The following TMEM135 variants were observed in gnomAD, a reference collection of about 807,000 sequenced individuals.
The protein encoded by TMEM135 is transmembrane protein 135, also known as peroxisomal membrane protein 52.
Under a neutral mutation model 60.3 loss-of-function variants are expected in TMEM135, and 30 were observed. That is an observed-to-expected ratio of 0.50 (90% CI 0.37 to 0.68). TMEM135 has a LOEUF of 0.68. Among genes scored for constraint, TMEM135 ranks in the 30% least tolerant of loss-of-function variants. TMEM135 has a pLI of 0.00. For synonymous variants in TMEM135, 190 were observed against 186.7 expected (o/e 1.02, Z -0.14); for missense variants, 468 against 548.8 (o/e 0.85, Z 1.47).
At chr11:87,069,377 T>A (rs1172206257) in intron 2 of TMEM135, among the ~76,000 whole-genome samples, 1 of 151,638 alleles carries the variant, frequency 6.6e-6, no homozygotes, top group Non-Finnish European at 1.5e-5. Flanking sequence ...TATTGCAGCA[T>A]CTTTATGTTC....
intron 1 of TMEM135, among the ~76,000 whole-genome samples, chr11:87,054,932 C>G (rs964727562): frequency 3.3e-5 from 5 of 152,114 alleles, no homozygotes; most frequent in African/African-American, 1.2e-4. Flanking sequence ...ATCTTCATTT[C>G]CTTTCACTGT....
At chr11:87,214,156 A>G (rs1295635883) in intron 5 of TMEM135, among the ~76,000 whole-genome samples, 6 of 152,158 alleles carry the variant, frequency 3.9e-5, no homozygotes, top group African/African-American at 1.4e-4. Context: ...TTTAATTCCA[A>G]AGTGCTCTGA....
chr11:87,224,370 C>T (rs567896616), intron 5 of TMEM135, among the ~76,000 whole-genome samples: 1 of 152,182 alleles, frequency 6.6e-6, no homozygotes, highest in Non-Finnish European at 1.5e-5. Context: ...GAACAATAAT[C>T]TTCATTCTAG....
In TMEM135 at chr11:87,089,065, A is replaced by T. The variant is rs185532674; in HGVS notation, c.363-2297A>T. On this transcript the variant is annotated intron_variant, in intron 3 of 14. Transcript: ENST00000305494. ...AAAGTAATTGCAGTTTTTGCCAAGT[A>T]TAAGGTGTATATGAAACATAAATGA... is the stretch of plus-strand genomic sequence containing the variant. 2.2e-4 allele frequency among the ~76,000 whole-genome samples: 34 copies of T among 152,332 alleles called. No individual in the cohort carries two copies. In the East Asian group the frequency reaches 6.4e-3, roughly 29 times the overall value.
chr11:87,077,779 GGC>G (rs1458979988), intron 3 of TMEM135, among the ~76,000 whole-genome samples: 1 of 152,082 alleles, frequency 6.6e-6, no homozygotes, highest in African/African-American at 2.4e-5. Flanking sequence ...CCCAGCCCTA[GGC>G]AACCACTAAT....
intron 3 of TMEM135, among the ~76,000 whole-genome samples, chr11:87,089,136 G>A (rs1458090989): frequency 2.0e-5 from 3 of 152,118 alleles, no homozygotes; most frequent in Non-Finnish European, 2.9e-5. Flanking sequence ...ATTTCATTAT[G>A]TATATGCAAA....
In TMEM135 at chr11:87,038,232, T is replaced by A. The variant is rs368481631; in HGVS notation, c.141+46T>A. 1,422 of 1,528,342 alleles carry A rather than the reference T, an allele frequency of 9.3e-4. 1 individual carries two copies. The highest frequency in any genetic ancestry group is 1.7e-3 in the South Asian group (150 of 90,076). The allele number at this position is 1,528,342 out of a possible 1,614,324, so 94.7% of individuals were successfully genotyped here. A position where few individuals can be genotyped will look rare whatever the true frequency, so the allele number is the denominator to read the frequency against. On this transcript the variant is annotated intron_variant, in intron 1 of 14. Transcript: ENST00000305494. ...CGCAGGGCGAGTTTAGTCTGGAAGA[T>A]GGGCCGGGGGCTGCAGTTGGTGCTC...
chr11:87,073,757 T>C (rs773860674), intron 3 of TMEM135, among the ~76,000 whole-genome samples: 2 of 152,032 alleles, frequency 1.3e-5, no homozygotes, highest in African/African-American at 4.8e-5. Flanking sequence ...AACTTCTGCC[T>C]CCCAGGTTCA....
At chr11:87,180,859 G>A (rs1444675012) in intron 5 of TMEM135, among the ~76,000 whole-genome samples, 1 of 152,176 alleles carries the variant, frequency 6.6e-6, no homozygotes, top group Non-Finnish European at 1.5e-5. Flanking sequence ...ATGACCAAGA[G>A]TGTCAAAATG....
chr11:87,092,405 C>G (rs1223539155), intron 4 of TMEM135, among the ~76,000 whole-genome samples: 1 of 152,152 alleles, frequency 6.6e-6, no homozygotes, highest in Non-Finnish European at 1.5e-5. Flanking sequence ...AATCTGATGA[C>G]ATATGTGGAC....
intron 6 of TMEM135, among the ~76,000 whole-genome samples, chr11:87,271,810 C>T (rs907422710): frequency 4.9e-4 from 74 of 151,922 alleles, no homozygotes; most frequent in African/African-American, 1.7e-3. Flanking sequence ...GCAGCATGCG[C>T]TTATTGTCCC....
intron 4 of TMEM135, among the ~76,000 whole-genome samples, chr11:87,125,136 C>G (rs1482781328): frequency 6.6e-6 from 1 of 151,904 alleles, no homozygotes; most frequent in Non-Finnish European, 1.5e-5. Context: ...TCAAGCTAAC[C>G]AAATTGATTT....
chr11:87,179,321 G>A (rs989980189), intron 5 of TMEM135, among the ~76,000 whole-genome samples: 3 of 152,002 alleles, frequency 2.0e-5, no homozygotes, highest in Non-Finnish European at 4.4e-5. Context: ...CCCAGATCGT[G>A]GCCTGTGTTT....
chr11:87,096,511 A>G (rs1857333810), intron 4 of TMEM135: 1 of 152,368 alleles, frequency 6.6e-6, no homozygotes, highest in Non-Finnish European at 1.5e-5. Context: ...TTCTTCTTGC[A>G]TTATTGATCA....
intron 5 of TMEM135, among the ~76,000 whole-genome samples, chr11:87,170,227 G>C (rs562819571): frequency 1.6e-4 from 25 of 152,084 alleles, no homozygotes; most frequent in Non-Finnish European, 3.2e-4. Flanking sequence ...CATTGGGTTA[G>C]AACATGCTTC....
chr11:87,128,738 T>G (rs1937810538), intron 4 of TMEM135, among the ~76,000 whole-genome samples: 1 of 152,152 alleles, frequency 6.6e-6, no homozygotes, highest in South Asian at 2.1e-4. Context: ...ATCAACCCAT[T>G]CTTTAAGTAT....
chr11:87,247,653 C>A (rs1941316052), intron 6 of TMEM135, among the ~76,000 whole-genome samples: 1 of 152,198 alleles, frequency 6.6e-6, no homozygotes, highest in Non-Finnish European at 1.5e-5. Context: ...GTAGGACCCT[C>A]CGAGCCAGGT....
At chr11:87,266,726 C>G (rs542379329) in intron 6 of TMEM135, among the ~76,000 whole-genome samples, 8 of 152,204 alleles carry the variant, frequency 5.3e-5, no homozygotes, top group Non-Finnish European at 1.0e-4. Flanking sequence ...ATGGTTCTCA[C>G]TAAAGCAGGA....
At chr11:87,243,375 TC>T (rs1941185321) in intron 6 of TMEM135, among the ~76,000 whole-genome samples, 3 of 119,012 alleles carry the variant, frequency 2.5e-5, no homozygotes, top group Non-Finnish European at 3.7e-5. Context: ...AGTAGTTTTT[TC>T]CAATTCTGTG....
Sources: allele counts gnomAD v4.1 joint callset (sites outside exome capture counted in the v4.1 genomes callset), GRCh38; gene constraint gnomAD v4.1.1; transcripts MANE v1.5; gene names NCBI Gene and HGNC (gene_info 2026-07-23, HGNC 2026-07-21).